The following PAX5 variants were observed in gnomAD, a reference collection of about 807,000 sequenced individuals.
PAX5 encodes paired box protein Pax-5.
In PAX5, 9 loss-of-function variants were observed where a neutral mutation model predicts 43.7. That is an observed-to-expected ratio of 0.21 (90% CI 0.12 to 0.36). The LOEUF is 0.36. PAX5 is among the 10% of genes least tolerant of loss of function. PAX5 has a pLI of 1.00. For synonymous variants in PAX5, 228 were observed against 214.3 expected (o/e 1.06, Z -0.56); for missense variants, 383 against 532.7 (o/e 0.72, Z 2.77).
chr9:36,923,301 C>A, intron 7 of PAX5, 54 bp downstream of exon 7: 2 of 1,575,780 alleles, frequency 1.3e-6, no homozygotes, highest in South Asian at 1.1e-5. Flanking sequence ...CCACCACACA[C>A]TCCTATCTCT....
chr9:37,001,810 C>CTTTTTTTTTTTT (rs3073720), intron 5 of PAX5, among the ~76,000 whole-genome samples: 64 of 87,986 alleles, frequency 7.3e-4, no homozygotes, highest in South Asian at 1.5e-3. Context: ...ACAGCTCTGG[C>CTTTTTTTTTTTT]TTTTTTTTTT....
intron 3 of PAX5, among the ~76,000 whole-genome samples, chr9:37,009,901 C>T (rs777260338): frequency 6.6e-6 from 1 of 152,146 alleles, no homozygotes; most frequent in Non-Finnish European, 1.5e-5. Flanking sequence ...GGTAGCCACT[C>T]TCACACTGTT....
At chr9:36,935,080 G>A (rs1254145980) in intron 6 of PAX5, among the ~76,000 whole-genome samples, 2 of 152,140 alleles carry the variant, frequency 1.3e-5, no homozygotes, top group African/African-American at 4.8e-5. Context: ...TCATGGCCTG[G>A]GTCAAAATGG....
chr9:37,031,638 C>G (rs973731286), intron 1 of PAX5, among the ~76,000 whole-genome samples: 1 of 152,130 alleles, frequency 6.6e-6, no homozygotes, highest in African/African-American at 2.4e-5. Context: ...CATTCCTATT[C>G]CCTCCCTTAC....
chr9:36,923,457 G>A lies in PAX5; in HGVS notation c.808C>T (p.Leu270=). ...TTCATGTCGTCCAGCCCACCAGCCA[G>A]CGAGGCCATGGCTGAATACTCTGTG... is the stretch of plus-strand genomic sequence containing the variant. ...QTTEYSAMAS[L]AGGLDDMKAN... Residue 270 remains leucine (L), a synonymous_variant, in exon 7 of 10, where the codon CTG becomes TTG. Coordinates refer to ENST00000358127, the MANE Select transcript of PAX5 (RefSeq NM_016734.3). 1.9e-6 allele frequency: 3 copies of A among 1,611,932 alleles called. No homozygotes were observed. The highest frequency in any genetic ancestry group is 2.5e-6 in the Non-Finnish European group (3 of 1,179,970).
At chr9:36,971,017 GTCTGT>G (rs1285610244) in intron 5 of PAX5, among the ~76,000 whole-genome samples, 27 of 152,312 alleles carry the variant, frequency 1.8e-4, no homozygotes, top group African/African-American at 6.3e-4. Flanking sequence ...CACTCTGCAT[GTCTGT>G]CTGAAAATGT....
rs2132194589 is a variant in PAX5, at chr9:36,966,653, C to T, written c.676G>A (p.Gly226Arg). 1 of 1,614,230 alleles carries T rather than the reference C, an allele frequency of 6.2e-7. No homozygotes were observed. Among genetic ancestry groups the T allele is most frequent in the Non-Finnish European group, 8.5e-7 (1 of 1,180,028 alleles). Residue 226 changes from glycine to arginine, a missense_variant, in exon 6 of 10, where the codon GGA (glycine) becomes AGA (arginine). Physicochemically the swap from Gly to Arg is moderately radical, Grantham distance 125. Around this residue, in one of 5 missense-constraint regions of PAX5, gnomAD observed 291 missense variants for 342.5 expected, o/e 0.85. Transcript: ENST00000358127. ...AGCTGCTGCTGTGTGAACAAGTCTC[C>T]CCGCATCTGCTTCCGGAGGAAGTCT... ...GRDFLRKQMRGDLFTQQQLEV... is the reference protein window; with the variant it reads ...GRDFLRKQMRRDLFTQQQLEV...
chr9:36,850,906 C>G (rs1398591270), intron 8 of PAX5, among the ~76,000 whole-genome samples: 1 of 152,214 alleles, frequency 6.6e-6, no homozygotes, highest in Non-Finnish European at 1.5e-5. Context: ...GGACTGGACC[C>G]AAAGCCTCAT....
intron 5 of PAX5, among the ~76,000 whole-genome samples, chr9:36,989,279 C>G (rs1262688465): frequency 1.3e-5 from 2 of 152,216 alleles, no homozygotes; most frequent in Non-Finnish European, 2.9e-5. Flanking sequence ...AGAACACAGC[C>G]TCATACGGAT....
intron 9 of PAX5, among the ~76,000 whole-genome samples, chr9:36,842,960 G>A (rs896650684): frequency 6.6e-6 from 1 of 152,196 alleles, no homozygotes; most frequent in African/African-American, 2.4e-5. Flanking sequence ...ACGAGGTGTG[G>A]GCAGCACATG....
intron 8 of PAX5, among the ~76,000 whole-genome samples, chr9:36,851,684 C>A (rs1823171574): frequency 6.6e-6 from 1 of 152,190 alleles, no homozygotes; most frequent in East Asian, 1.9e-4. Context: ...TTATTGGAAT[C>A]AGAGAAAGGC....
chr9:36,867,477 C>G (rs550769637), intron 8 of PAX5, among the ~76,000 whole-genome samples: 1 of 151,814 alleles, frequency 6.6e-6, no homozygotes, highest in Admixed American at 6.5e-5. Context: ...AAGGGGCTAC[C>G]GTGAGGCTCC....
At chr9:37,033,875 C>A (rs1270372689) in intron 1 of PAX5, 111 bp downstream of exon 1, 3 of 856,998 alleles carry the variant, frequency 3.5e-6, no homozygotes, top group East Asian at 5.1e-5. Flanking sequence ...GTTAGACAGT[C>A]TCTACGAAAA....
Position 37,020,626 on chromosome 9 carries a change from C to T in PAX5, c.212+10G>A, listed in dbSNP as rs750755283. On this transcript the variant is annotated intron_variant, in intron 2 of 9. Transcript: ENST00000358127. ...AAAGATCAAGGGAAGCCTCGAGCTA[C>T]TGCCTTTACCTGCCAAGAATTTTGC... is the stretch of plus-strand genomic sequence containing the variant. 1.2e-6 allele frequency: 2 copies of T among 1,613,990 alleles called. No individual in the cohort carries two copies. The highest frequency in any genetic ancestry group is 2.2e-5 in the South Asian group (2 of 91,084).
At position 37,002,779 on chromosome 9, in the gene PAX5, G is replaced by A. The variant is rs372871442; in HGVS notation, c.476-3C>T. 15 of 1,607,046 alleles carry A rather than the reference G, an allele frequency of 9.3e-6. No individual in the cohort carries two copies. Among genetic ancestry groups the A allele is most frequent in the Non-Finnish European group, 1.3e-5 (15 of 1,177,494 alleles). On this transcript the variant is annotated splice_region_variant and splice_polypyrimidine_tract_variant and intron_variant, in intron 4 of 9. Transcript: ENST00000358127. ...CTGCGTCACGGAGCCAGTGGACACT[G>A]CGCGGAGAAAGACGGGCGGTCAGGG... is the stretch of plus-strand genomic sequence containing the variant.
At chr9:37,019,416 A>C (rs1006419428) in intron 2 of PAX5, among the ~76,000 whole-genome samples, 2 of 152,160 alleles carry the variant, frequency 1.3e-5, no homozygotes, top group Admixed American at 1.3e-4. Flanking sequence ...ACTGGGCTGG[A>C]GGATGCGGAA....
chr9:36,902,859 A>C (rs1451188369), intron 7 of PAX5, among the ~76,000 whole-genome samples: 1 of 152,212 alleles, frequency 6.6e-6, no homozygotes, highest in Non-Finnish European at 1.5e-5. Flanking sequence ...CGGGGCTGAT[A>C]TTAGTGGTTG....
chr9:36,901,606 T>C (rs1828398422), intron 7 of PAX5, among the ~76,000 whole-genome samples: 1 of 151,908 alleles, frequency 6.6e-6, no homozygotes, highest in South Asian at 2.1e-4. Flanking sequence ...TATCAGAAAA[T>C]GTAAGTGTCC....
At chr9:36,952,406 A>G (rs904176237) in intron 6 of PAX5, among the ~76,000 whole-genome samples, 2 of 151,732 alleles carry the variant, frequency 1.3e-5, no homozygotes, top group Non-Finnish European at 2.9e-5. Flanking sequence ...TGCCTAGCTA[A>G]TTTTTTGCAT....
Sources: allele counts gnomAD v4.1 joint callset (sites outside exome capture counted in the v4.1 genomes callset), GRCh38; gene constraint gnomAD v4.1.1; regional missense constraint gnomAD v4.1.1; transcripts MANE v1.5; gene names NCBI Gene and HGNC (gene_info 2026-07-23, HGNC 2026-07-21).